Variants in ACSL1 observed in about 807,000 individuals in gnomAD.
The protein encoded by ACSL1 is acyl-CoA synthetase long chain family member 1, also known as long-chain-fatty-acid--CoA ligase 1.
A neutral mutation model predicts 98.4 loss-of-function variants in ACSL1; 41 were observed. The ratio of observed to expected loss-of-function variants is 0.42; its 90% confidence interval spans 0.32 to 0.54. ACSL1 has a LOEUF of 0.54. Ranked by LOEUF, ACSL1 falls within the 20% of genes least tolerant of loss-of-function variation. The pLI, the probability that ACSL1 is intolerant of heterozygous loss-of-function variation, is 0.13. For missense variants in ACSL1, 734 were observed against 883.1 expected, an observed-to-expected ratio of 0.83 and a Z score of 2.14; for synonymous variants, 316 against 322.7, an observed-to-expected ratio of 0.98 and a Z score of 0.22.
intron 12 of ACSL1, 148 bp downstream of exon 12, chr4:184,768,168 A>G (rs1763909491): frequency 1.2e-6 from 1 of 820,214 alleles, no homozygotes; most frequent in Non-Finnish European, 1.8e-6. Context: ...AACGCATTCT[A>G]ACTTTACAGA....
intron 1 of ACSL1, among the ~76,000 whole-genome samples, chr4:184,823,459 C>T (rs1483657177): frequency 6.6e-6 from 1 of 152,174 alleles, no homozygotes; most frequent in Non-Finnish European, 1.5e-5. Flanking sequence ...AAAAACTAAA[C>T]ATTCCTCTAA....
intron 2 of ACSL1, among the ~76,000 whole-genome samples, chr4:184,796,187 T>C (rs530454496): frequency 6.6e-6 from 1 of 152,314 alleles, no homozygotes; most frequent in East Asian, 1.9e-4. Flanking sequence ...AGCCTACATC[T>C]TTCTCCCGTG....
chr4:184,773,889 G>C lies in ACSL1; in HGVS notation c.757-14C>G. 6.2e-7 allele frequency: 1 copy of C among 1,613,654 alleles called. No individual in the cohort carries two copies. Among genetic ancestry groups the C allele is most frequent in the Non-Finnish European group, 8.5e-7 (1 of 1,179,764 alleles). ...TCTTCCCAGGTCCTTAATTAGAAGAGAAAAAAAGTCTTAAATGGAAACGTT... is the reference window on the plus strand; with the variant it reads ...TCTTCCCAGGTCCTTAATTAGAAGACAAAAAAAGTCTTAAATGGAAACGTT... On this transcript the variant is annotated splice_polypyrimidine_tract_variant and intron_variant, in intron 7 of 20. Transcript: ENST00000281455. The surrounding 1 kb of genome is among the most constrained non-coding windows in gnomAD (Gnocchi z 4.3).
At chr4:184,806,554 T>G (rs549174917) in intron 1 of ACSL1, among the ~76,000 whole-genome samples, 84 of 152,360 alleles carry the variant, frequency 5.5e-4, no homozygotes, top group Non-Finnish European at 1.1e-3. Flanking sequence ...AGTGAGAATC[T>G]TAAATAATTC....
At chr4:184,787,041 G>C (rs1767506113) in intron 3 of ACSL1, among the ~76,000 whole-genome samples, 1 of 152,270 alleles carries the variant, frequency 6.6e-6, no homozygotes, top group South Asian at 2.1e-4. Context: ...ATGAGGGATA[G>C]AGCCAGCAAT....
chr4:184,779,359 T>C (rs534080933), intron 5 of ACSL1, among the ~76,000 whole-genome samples: 2 of 152,320 alleles, frequency 1.3e-5, no homozygotes, highest in African/African-American at 4.8e-5. Context: ...AGAAGTGCCT[T>C]TCACCTCCTG....
At chr4:184,797,032 C>T (rs1331921822) in intron 2 of ACSL1, among the ~76,000 whole-genome samples, 1 of 152,188 alleles carries the variant, frequency 6.6e-6, no homozygotes, top group Non-Finnish European at 1.5e-5. Context: ...CACCACCATC[C>T]AACTCAACCC....
chr4:184,799,116 CTT>C (rs34651371), intron 2 of ACSL1: 3,293 of 121,030 alleles, frequency 0.027, 103 homozygotes, highest in African/African-American at 0.099. Flanking sequence ...TTACCTGATT[CTT>C]TTTTTTTTTT....
chr4:184,819,023 T>C (rs1381062405), intron 1 of ACSL1, among the ~76,000 whole-genome samples: 1 of 151,884 alleles, frequency 6.6e-6, no homozygotes, highest in Non-Finnish European at 1.5e-5. Flanking sequence ...TGACAGTGAG[T>C]GTAGGTGAGG....
At chr4:184,763,689 T>C (rs1296780459) in intron 15 of ACSL1, among the ~76,000 whole-genome samples, 1 of 152,196 alleles carries the variant, frequency 6.6e-6, no homozygotes, top group Non-Finnish European at 1.5e-5. Flanking sequence ...CACCTGGTTC[T>C]GATCAACACG....
intron 7 of ACSL1, among the ~76,000 whole-genome samples, chr4:184,774,681 T>C (rs1218181277): frequency 6.6e-6 from 1 of 152,186 alleles, no homozygotes; most frequent in African/African-American, 2.4e-5. Context: ...ATGGAACAGC[T>C]TGAATGAGGA....
rs1554016795 is a variant in ACSL1, at chr4:184,766,287, TG to T, written c.1264-302del. Among the ~76,000 whole-genome samples the T allele has an allele frequency of 6.6e-6, 1 of 152,284 alleles. No homozygotes were observed. Among genetic ancestry groups the T allele is most frequent in the Middle Eastern group, 3.4e-3 (1 of 292 alleles). On this transcript the variant is annotated intron_variant, in intron 13 of 20. Coordinates refer to ENST00000281455, the MANE Select transcript of ACSL1 (RefSeq NM_001995.5). The surrounding 1 kb of genome is among the most constrained non-coding windows in gnomAD (Gnocchi z 4.8). ...GGCAACTACCACAATTCTGGCCTTCTGGGGGGCATGATATTGTTACACGTTA... is the reference window on the plus strand; with the variant it reads ...GGCAACTACCACAATTCTGGCCTTCTGGGGGCATGATATTGTTACACGTTA...
At chr4:184,824,826 A>C (rs900343565) in intron 1 of ACSL1, among the ~76,000 whole-genome samples, 12 of 152,128 alleles carry the variant, frequency 7.9e-5, no homozygotes, top group African/African-American at 2.7e-4. Context: ...TCCACTTGAA[A>C]AAAGAAAAAA....
intron 7 of ACSL1, among the ~76,000 whole-genome samples, chr4:184,775,855 A>G: frequency 6.6e-6 from 1 of 152,236 alleles, no homozygotes; most frequent in Non-Finnish European, 1.5e-5. Flanking sequence ...TCCTCCGGCC[A>G]TGTTCCTTGG....
chr4:184,811,929 A>C (rs991202108), intron 1 of ACSL1, among the ~76,000 whole-genome samples: 3 of 152,150 alleles, frequency 2.0e-5, no homozygotes, highest in South Asian at 4.1e-4. Flanking sequence ...ATGGCAAAAC[A>C]CTGAAGAGAC....
intron 14 of ACSL1, 133 bp downstream of exon 14, chr4:184,765,758 C>T (rs1252244060): frequency 7.6e-5 from 52 of 685,276 alleles, no homozygotes; most frequent in Admixed American, 1.2e-4. Flanking sequence ...CATGTTGTTA[C>T]GCCATAAATA....
intron 3 of ACSL1, among the ~76,000 whole-genome samples, chr4:184,786,004 C>T (rs567055604): frequency 1.2e-4 from 18 of 152,066 alleles, no homozygotes; most frequent in African/African-American, 3.9e-4. Context: ...TGTGGGTGAG[C>T]GGAGTGAGTG....
At position 184,757,847 on chromosome 4, in the gene ACSL1, C is replaced by T. The variant is rs769407385; in HGVS notation, c.1856G>A (p.Gly619Glu). 24 of 1,614,008 alleles carry T rather than the reference C, an allele frequency of 1.5e-5. No individual in the cohort carries two copies. Among genetic ancestry groups the T allele is most frequent in the Non-Finnish European group, 2.0e-5 (24 of 1,180,032 alleles). Reference protein sequence around the residue: ...CSWAQKRGFEGSFEELCRNKD... With the variant: ...CSWAQKRGFEESFEELCRNKD... ...ATTTCTGCACAGTTCCTCAAACGACCCTTCAAATCCTCTCTTTTGGGCCCA... is the reference window on the plus strand; with the variant it reads ...ATTTCTGCACAGTTCCTCAAACGACTCTTCAAATCCTCTCTTTTGGGCCCA... The change falls in exon 19 of 21, where the codon GGG becomes GAG. Residue 619 changes from glycine to glutamate, a missense_variant. Coordinates refer to ENST00000281455, the MANE Select transcript of ACSL1 (RefSeq NM_001995.5). This position sits in a 1 kb window ranked among gnomAD's most constrained non-coding sequence, Gnocchi z 4.5.
chr4:184,821,033 C>T (rs995870560), intron 1 of ACSL1: 3 of 456,296 alleles, frequency 6.6e-6, no homozygotes, highest in Non-Finnish European at 1.3e-5. Context: ...GTTCCTTTAT[C>T]TTGTGTACAG....
Sources: allele counts gnomAD v4.1 joint callset (sites outside exome capture counted in the v4.1 genomes callset), GRCh38; gene constraint gnomAD v4.1.1; non-coding constraint Gnocchi (gnomAD v3.1); transcripts MANE v1.5; gene names NCBI Gene and HGNC (gene_info 2026-07-23, HGNC 2026-07-21).